UBR1: variants seen among roughly 807,000 people sequenced by gnomAD.
UBR1 encodes ubiquitin protein ligase E3 component n-recognin 1.
In UBR1, 102 loss-of-function variants were observed where a neutral mutation model predicts 242.1. That is an observed-to-expected ratio of 0.42 (90% confidence interval 0.36 to 0.50). UBR1 has a LOEUF of 0.50. UBR1 is among the 20% of genes least tolerant of loss of function. The probability of loss-of-function intolerance (pLI) is 0.01; values close to 1 mark genes in which losing one functional copy is unlikely to be tolerated. For missense variants in UBR1, 1,772 were observed against 2,101.8 expected (o/e 0.84, Z 3.07); for synonymous variants, 675 against 684.8 (o/e 0.99, Z 0.22).
At chr15:43,070,758 A>T (rs773787676) in intron 5 of UBR1, 37 bp downstream of exon 5, 1 of 1,610,320 alleles carries the variant, frequency 6.2e-7, no homozygotes, top group Admixed American at 1.7e-5. Context: ...ACAAATAACC[A>T]TCACTAAAAC....
Position 42,993,616 on chromosome 15 carries a change from C to T in UBR1, c.3758-3496G>A, listed in dbSNP as rs187363043. ...CTCCTGGCCTCAAGAGATCTGCCTG[C>T]CTCGGCCTCCCAAAGTGCTGCGATT... is the stretch of plus-strand genomic sequence containing the variant. On this transcript the variant is annotated intron_variant, in intron 33 of 46. Transcript: ENST00000290650. Among the ~76,000 whole-genome samples the T allele has an allele frequency of 1.8e-3, 275 of 152,188 alleles. 2 individuals are homozygous for T. Among genetic ancestry groups the T allele is most frequent in the African/African-American group, 6.3e-3 (261 of 41,516 alleles).
chr15:43,030,207 T>C (rs1388324927), intron 20 of UBR1, 139 bp from the exon 21 acceptor site: 4 of 954,526 alleles, frequency 4.2e-6, no homozygotes, highest in South Asian at 1.6e-5. Flanking sequence ...TTTGAATGTG[T>C]TCCCAAATCT....
At chr15:43,043,583 T>G (rs938356510) in intron 14 of UBR1, among the ~76,000 whole-genome samples, 188 bp from the exon 15 acceptor site, 1 of 152,144 alleles carries the variant, frequency 6.6e-6, no homozygotes, top group African/African-American at 2.4e-5. Context: ...CCTGAGTAGC[T>G]GGGACTACAG....
intron 31 of UBR1, chr15:43,003,519 G>C: frequency 2.8e-6 from 1 of 362,594 alleles, no homozygotes; most frequent in Non-Finnish European, 5.3e-6. Flanking sequence ...GCCTCCCGAA[G>C]TGCTGAGATT....
intron 1 of UBR1, among the ~76,000 whole-genome samples, chr15:43,096,241 T>G (rs1596142848): frequency 6.6e-6 from 1 of 151,958 alleles, no homozygotes; most frequent in East Asian, 1.9e-4. Flanking sequence ...TGGCACGATC[T>G]GGGCTCACTG....
At chr15:43,085,626 G>A (rs913955783) in intron 2 of UBR1, among the ~76,000 whole-genome samples, 3 of 152,184 alleles carry the variant, frequency 2.0e-5, no homozygotes, top group African/African-American at 7.2e-5. Flanking sequence ...ACTCATGCCT[G>A]TAATCCCAGC....
At chr15:43,057,028 T>C (rs1203687525) in intron 10 of UBR1, among the ~76,000 whole-genome samples, 1 of 152,148 alleles carries the variant, frequency 6.6e-6, no homozygotes, top group Non-Finnish European at 1.5e-5. Context: ...AGGCACAAAG[T>C]TGGATACTTA....
chr15:43,084,601 G>A (rs1315787200), intron 2 of UBR1, among the ~76,000 whole-genome samples: 3 of 152,018 alleles, frequency 2.0e-5, no homozygotes, highest in Non-Finnish European at 4.4e-5. Context: ...GATCACAGGC[G>A]CCCACCACCA....
At chr15:42,953,931 G>C (rs973734660) in intron 44 of UBR1, among the ~76,000 whole-genome samples, 1 of 146,522 alleles carries the variant, frequency 6.8e-6, no homozygotes, top group Non-Finnish European at 1.5e-5. Flanking sequence ...CACCCAGGCT[G>C]AAGTCCAGTG....
chr15:43,101,054 G>A (rs557930481), intron 1 of UBR1, among the ~76,000 whole-genome samples: 27 of 152,298 alleles, frequency 1.8e-4, no homozygotes, highest in Non-Finnish European at 2.9e-4. Context: ...AAAAGCAGAG[G>A]AAGAACACTC....
chr15:43,054,640 A>T (rs573338353), intron 12 of UBR1, 102 bp downstream of exon 12: 1 of 1,311,494 alleles, frequency 7.6e-7, no homozygotes, highest in East Asian at 2.3e-5. Flanking sequence ...TTATAAAGAG[A>T]ATTCTGGATA....
intron 29 of UBR1, among the ~76,000 whole-genome samples, chr15:43,008,906 G>A (rs1293284172): frequency 6.6e-6 from 1 of 152,168 alleles, no homozygotes; most frequent in Non-Finnish European, 1.5e-5. Flanking sequence ...TTGTTGGGAT[G>A]ACCTGCCTGC....
intron 6 of UBR1, among the ~76,000 whole-genome samples, chr15:43,065,198 T>C (rs966622139): frequency 2.0e-5 from 3 of 152,222 alleles, no homozygotes; most frequent in African/African-American, 7.2e-5. Flanking sequence ...GGTACCATTC[T>C]GAAGGACTAA....
intron 35 of UBR1, among the ~76,000 whole-genome samples, chr15:42,987,548 T>C (rs1407233235): frequency 1.3e-5 from 2 of 151,834 alleles, no homozygotes; most frequent in African/African-American, 4.8e-5. Context: ...ACCCCGTCTC[T>C]ACTAAAAATA....
chr15:42,986,659 A>G (rs2032463983), intron 35 of UBR1, among the ~76,000 whole-genome samples: 1 of 152,228 alleles, frequency 6.6e-6, no homozygotes, highest in African/African-American at 2.4e-5. Flanking sequence ...TAGCAAATAT[A>G]AACTGATGTA....
At chr15:43,065,292 T>C (rs2033738405) in intron 6 of UBR1, among the ~76,000 whole-genome samples, 1 of 152,236 alleles carries the variant, frequency 6.6e-6, no homozygotes, top group African/African-American at 2.4e-5. Context: ...TCTTTTTGCC[T>C]TTTCTTTCTT....
chr15:43,068,106 A>G (rs1045799656), intron 5 of UBR1, 70 bp from the exon 6 acceptor site: 8 of 1,128,546 alleles, frequency 7.1e-6, no homozygotes, highest in African/African-American at 4.9e-5. Context: ...AAAAAAAAAA[A>G]AGACAAAATT....
intron 2 of UBR1, 151 bp from the exon 3 acceptor site, chr15:43,082,867 A>G (rs2033988831): frequency 1.5e-6 from 1 of 682,466 alleles, no homozygotes; most frequent in Admixed American, 2.1e-5. Flanking sequence ...AATGTTTTGA[A>G]CAAAGATAAT....
rs1390372077 is a variant in UBR1, at chr15:42,976,723, C to T, written c.4363G>A (p.Asp1455Asn). The T allele has an allele frequency of 6.2e-7, 1 of 1,614,036 alleles. No individual in the cohort carries two copies. The highest frequency in any genetic ancestry group is 1.7e-5 in the Admixed American group (1 of 60,010). The change falls in exon 39 of 47, where the codon GAC becomes AAC. Residue 1455 changes from aspartate (D) to asparagine (N), a missense_variant. Asp to Asn is a conservative substitution (Grantham distance 23). Transcript: ENST00000290650. ...AHMLQILLTV[D>N]TGLPLAQVQE... ...ACCCAGATGAAAACCTTACCTGTGT[C>T]TACTGTAAGTAGTATCTGAAGCATG...
Sources: allele counts gnomAD v4.1 joint callset (sites outside exome capture counted in the v4.1 genomes callset), GRCh38; gene constraint gnomAD v4.1.1; transcripts MANE v1.5; gene names NCBI Gene and HGNC (gene_info 2026-07-23, HGNC 2026-07-21).